The following ALCAM variants were observed in gnomAD, a reference collection of about 807,000 sequenced individuals.
The protein encoded by ALCAM is activated leukocyte cell adhesion molecule.
ALCAM carries 30 observed loss-of-function variants against 70.9 expected under a neutral mutation model. That is an observed-to-expected ratio of 0.42 (90% CI 0.32 to 0.57). The LOEUF is 0.57. Ranked by LOEUF, ALCAM falls within the 20% of genes least tolerant of loss-of-function variation. The pLI is 0.11. For missense variants in ALCAM, 591 were observed against 695.1 expected, an observed-to-expected ratio of 0.85 and a Z score of 1.68; for synonymous variants, 249 against 242.5, an observed-to-expected ratio of 1.03 and a Z score of -0.25.
intron 1 of ALCAM, among the ~76,000 whole-genome samples, chr3:105,438,523 A>G (rs900192502): frequency 1.3e-5 from 2 of 152,224 alleles, no homozygotes; most frequent in African/African-American, 4.8e-5. Flanking sequence ...ATGTTTCACC[A>G]TAGAATAGAT....
chr3:105,475,477 A>G (rs906831677), intron 1 of ALCAM, among the ~76,000 whole-genome samples: 60 of 152,106 alleles, frequency 3.9e-4, no homozygotes, highest in African/African-American at 1.3e-3. Flanking sequence ...TTTGCTGGCT[A>G]TGTTATCACT....
chr3:105,527,646 A>T (rs1243130506), intron 3 of ALCAM, among the ~76,000 whole-genome samples: 1 of 152,030 alleles, frequency 6.6e-6, no homozygotes, highest in East Asian at 1.9e-4. Context: ...AAAAAATTTG[A>T]AAACCACACC....
At chr3:105,566,090 T>TG (rs1169126465) in intron 14 of ALCAM, among the ~76,000 whole-genome samples, 1 of 152,206 alleles carries the variant, frequency 6.6e-6, no homozygotes, top group African/African-American at 2.4e-5. Context: ...AGAAAATACT[T>TG]GTTCTTTTAT....
Position 105,443,068 on chromosome 3 carries a change from C to T in ALCAM, c.73+75587C>T, listed in dbSNP as rs138780978. 5.9e-5 allele frequency among the ~76,000 whole-genome samples: 9 copies of T among 152,244 alleles called. No individual in the cohort carries two copies. In the East Asian group the frequency reaches 1.7e-3, roughly 29 times the overall value. On this transcript the variant is annotated intron_variant, in intron 1 of 15. Transcript: ENST00000306107. ...CTCAAACTGCTACCCTCAAATGATC[C>T]ACCTATCTTGGCCTCCCAAAGCCTG... is the stretch of plus-strand genomic sequence containing the variant.
chr3:105,477,996 C>T (rs976482538), intron 1 of ALCAM, among the ~76,000 whole-genome samples: 1 of 151,996 alleles, frequency 6.6e-6, no homozygotes, highest in African/African-American at 2.4e-5. Context: ...ATGAGACTAG[C>T]ATGGTAAATA....
chr3:105,507,747 A>G lies in ALCAM; in HGVS notation c.74-12320A>G, dbSNP rs181688281. On this transcript the variant is annotated intron_variant, in intron 1 of 15. Transcript: ENST00000306107. ...TTCTTGTTCAGGTTTTTGTGTGGAC[A>G]TAAACTTGCAACTCATTTGAAAAGT... Among the ~76,000 whole-genome samples, 512 of 152,350 alleles carry G rather than the reference A, an allele frequency of 3.4e-3. 1 individual carries two copies. Among genetic ancestry groups the G allele is most frequent in the Non-Finnish European group, 5.4e-3 (365 of 68,028 alleles).
chr3:105,501,473 A>T (rs1363029150), intron 1 of ALCAM, among the ~76,000 whole-genome samples: 2 of 152,152 alleles, frequency 1.3e-5, no homozygotes, highest in African/African-American at 4.8e-5. Flanking sequence ...TTTGACATGT[A>T]ATTTTATTTG....
intron 1 of ALCAM, among the ~76,000 whole-genome samples, chr3:105,497,643 C>T (rs545980575): frequency 7.9e-5 from 12 of 152,210 alleles, no homozygotes; most frequent in South Asian, 4.1e-4. Flanking sequence ...TGCATTCATA[C>T]GTGGAAGATT....
chr3:105,508,190 T>C lies in ALCAM; in HGVS notation c.74-11877T>C, dbSNP rs145285785. On this transcript the variant is annotated intron_variant, in intron 1 of 15. Transcript: ENST00000306107. ...TAGTCCTTCTAACCTATATGTTTTT[T>C]AAAATATTTGTCTAAATATGAAAAG... Among the ~76,000 whole-genome samples, 1,175 of 152,342 alleles carry C rather than the reference T, an allele frequency of 7.7e-3. 52 individuals carry two copies. Among genetic ancestry groups the C allele is most frequent in the Admixed American group, 0.057 (866 of 15,296 alleles).
At chr3:105,503,389 G>C (rs1044620312) in intron 1 of ALCAM, among the ~76,000 whole-genome samples, 7 of 152,178 alleles carry the variant, frequency 4.6e-5, no homozygotes, top group African/African-American at 1.7e-4. Context: ...GTTGGGAAAT[G>C]TGAACTTTGT....
At chr3:105,495,959 A>T (rs139058058) in intron 1 of ALCAM, among the ~76,000 whole-genome samples, 2 of 152,204 alleles carry the variant, frequency 1.3e-5, no homozygotes, top group Admixed American at 6.5e-5. Context: ...AGTTCCATTC[A>T]CTATAAGTTT....
intron 1 of ALCAM, among the ~76,000 whole-genome samples, chr3:105,405,261 G>A (rs1414903272): frequency 2.7e-5 from 2 of 74,796 alleles, no homozygotes; most frequent in Non-Finnish European, 4.7e-5. Context: ...TGGACAACAA[G>A]AGCAAAACTT....
intron 1 of ALCAM, among the ~76,000 whole-genome samples, chr3:105,453,812 TA>T: frequency 6.6e-6 from 1 of 152,252 alleles, no homozygotes. Flanking sequence ...TATTCCTAGG[TA>T]TTTTGTTCTC....
At chr3:105,536,093 CTTTT>C (rs71299365) in intron 6 of ALCAM, among the ~76,000 whole-genome samples, 1 of 141,884 alleles carries the variant, frequency 7.0e-6, no homozygotes, top group Non-Finnish European at 1.5e-5. Flanking sequence ...TTCTTTCTTT[CTTTT>C]TTTTTTTTTT....
At chr3:105,573,361 C>A (rs1249825245) in intron 15 of ALCAM, among the ~76,000 whole-genome samples, 1 of 151,490 alleles carries the variant, frequency 6.6e-6, no homozygotes, top group African/African-American at 2.4e-5. Flanking sequence ...AAACTTTAAT[C>A]TAGATATTTA....
At chr3:105,471,648 G>T (rs1018940692) in intron 1 of ALCAM, among the ~76,000 whole-genome samples, 14 of 150,798 alleles carry the variant, frequency 9.3e-5, no homozygotes, top group Non-Finnish European at 1.3e-4. Flanking sequence ...CGACTTTTTG[G>T]TTTTTTTCAA....
At chr3:105,450,333 C>T (rs1285218409) in intron 1 of ALCAM, among the ~76,000 whole-genome samples, 1 of 152,138 alleles carries the variant, frequency 6.6e-6, no homozygotes, top group East Asian at 1.9e-4. Flanking sequence ...CCTTTGCTCT[C>T]CAGAGCAGGG....
In ALCAM at chr3:105,515,284, G is replaced by A. The variant is rs560516651; in HGVS notation, c.74-4783G>A. ...TCTTTGTCATTTTTGTAAAAAGATT[G>A]GGAATCCACTTCCTGAAGTCAGGAA... On this transcript the variant is annotated intron_variant, in intron 1 of 15. Transcript: ENST00000306107. 1.7e-4 allele frequency among the ~76,000 whole-genome samples: 26 copies of A among 152,038 alleles called. No individual in the cohort carries two copies. The South Asian group carries it at 1.9e-3, about 11-fold the overall frequency.
chr3:105,389,371 GTTTTTTTTTTTTTTT>G (rs371987714), intron 1 of ALCAM, among the ~76,000 whole-genome samples: 2 of 58,188 alleles, frequency 3.4e-5, no homozygotes, highest in Admixed American at 3.2e-4. Context: ...TATATACATA[GTTTTTTTTTTTTTTT>G]TTTTTTTTTT....
Sources: allele counts gnomAD v4.1 joint callset (sites outside exome capture counted in the v4.1 genomes callset), GRCh38; gene constraint gnomAD v4.1.1; transcripts MANE v1.5; gene names NCBI Gene and HGNC (gene_info 2026-07-23, HGNC 2026-07-21).